Variants in PPP2R2D observed in about 807,000 individuals in gnomAD.
PPP2R2D encodes the protein serine/threonine-protein phosphatase 2A 55 kDa regulatory subunit B delta isoform.
Under a neutral mutation model 31.1 loss-of-function variants are expected in PPP2R2D, and 9 were observed. The ratio of observed to expected loss-of-function variants is 0.29; its 90% CI spans 0.17 to 0.51. The LOEUF is 0.51. Ranked by LOEUF, PPP2R2D falls within the 20% of genes least tolerant of loss-of-function variation. The pLI is 0.98. For missense variants in PPP2R2D, 391 were observed against 465.6 expected, an observed-to-expected ratio of 0.84 and a Z score of 1.48; for synonymous variants, 179 against 172.6, an observed-to-expected ratio of 1.04 and a Z score of -0.29.
At chr10:131,928,953 T>C (rs531455514) in intron 2 of PPP2R2D, among the ~76,000 whole-genome samples, 1 of 152,240 alleles carries the variant, frequency 6.6e-6, no homozygotes, top group Admixed American at 6.5e-5. Context: ...TAGTTAGAAA[T>C]GATGTACGTA....
At chr10:131,970,890 T>C in the PPP2R2D span, 2 of 1,614,258 alleles carry the variant, frequency 1.2e-6, no homozygotes, top group Admixed American at 3.3e-5. The surrounding 1 kb of genome is among the most constrained non-coding windows in gnomAD (Gnocchi z 4.1). Flanking sequence ...CCGGCCGACT[T>C]GACCAATCCC....
At chr10:131,938,029 C>A (rs1275672670) in intron 3 of PPP2R2D, among the ~76,000 whole-genome samples, 1 of 148,978 alleles carries the variant, frequency 6.7e-6, no homozygotes, top group Non-Finnish European at 1.5e-5. Flanking sequence ...GCACTCAGCT[C>A]CTGCCCGTGG....
At chr10:131,931,283 G>C (rs1407351594) in intron 2 of PPP2R2D, among the ~76,000 whole-genome samples, 1 of 152,230 alleles carries the variant, frequency 6.6e-6, no homozygotes, top group Non-Finnish European at 1.5e-5. Flanking sequence ...GTAGTCAGCA[G>C]ATCTCCAGAA....
At chr10:131,966,886 T>G in the PPP2R2D span, 5 of 151,228 alleles carry the variant, frequency 3.3e-5, no homozygotes, top group African/African-American at 7.3e-5. Context: ...TGGTTGTTTT[T>G]TTTTTTTTTT....
intron 8 of PPP2R2D, 88 bp from the exon 9 acceptor site, chr10:131,955,596 T>A (rs2036777591): frequency 8.3e-7 from 1 of 1,204,744 alleles, no homozygotes; most frequent in Non-Finnish European, 1.1e-6. Flanking sequence ...GAGGGTGGCG[T>A]GCGCTGTGCA....
chr10:131,910,057 G>A (rs1033201012), intron 2 of PPP2R2D, among the ~76,000 whole-genome samples: 8 of 152,290 alleles, frequency 5.3e-5, no homozygotes, highest in Non-Finnish European at 8.8e-5. Flanking sequence ...AAAATGTGGC[G>A]TCACACTTCC....
chr10:131,903,973 G>A (rs2035542180), intron 2 of PPP2R2D, among the ~76,000 whole-genome samples: 1 of 152,190 alleles, frequency 6.6e-6, no homozygotes, highest in African/African-American at 2.4e-5. Flanking sequence ...GGAGGCTGAG[G>A]CGGGTGGATC....
chr10:131,907,385 G>C (rs2035609860), intron 2 of PPP2R2D, among the ~76,000 whole-genome samples: 3 of 152,196 alleles, frequency 2.0e-5, no homozygotes, highest in Admixed American at 6.5e-5. Flanking sequence ...ATATTTTGCA[G>C]TTTGACTTAT....
chr10:131,901,305 G>A lies in PPP2R2D; in HGVS notation c.75G>A (p.Gly25=), dbSNP rs1272990242. Residue 25 remains glycine (G), a synonymous_variant, in exon 2 of 9, where the codon GGG becomes GGA. Transcript: ENST00000455566. ...AGTGGTGCTTCTCGCAGGTCAAGGGGGCCATCGACGAGGACGTGGCCGAAG... is the reference window on the plus strand; with the variant it reads ...AGTGGTGCTTCTCGCAGGTCAAGGGAGCCATCGACGAGGACGTGGCCGAAG... The part of the protein sequence containing the change: ...DFQWCFSQVK[G]AIDEDVAEAD... The A allele has an allele frequency of 4.1e-3, 1,474 of 360,432 alleles. 6 individuals are homozygous for A. Among genetic ancestry groups the A allele is most frequent in the Middle Eastern group, 0.014 (19 of 1,366 alleles). 22.3% of individuals were successfully genotyped at this position (360,432 alleles called of 1,614,324 possible). A position where few individuals can be genotyped will look rare whatever the true frequency, so the allele number is the denominator to read the frequency against.
intron 2 of PPP2R2D, among the ~76,000 whole-genome samples, chr10:131,930,256 A>G (rs114714432): frequency 2.3e-3 from 352 of 152,066 alleles, no homozygotes; most frequent in African/African-American, 7.8e-3. Context: ...CAACAGGTCT[A>G]TCAAATACCA....
intron 2 of PPP2R2D, among the ~76,000 whole-genome samples, chr10:131,933,515 A>G (rs2036279818): frequency 6.6e-6 from 1 of 152,144 alleles, no homozygotes; most frequent in African/African-American, 2.4e-5. Flanking sequence ...ACTGCAGGGT[A>G]AGGCGAGGAG....
At position 131,956,313 on chromosome 10, in the gene PPP2R2D, G is replaced by GCTCTTTCTCCAACTTTCC. The variant is rs1214383998; in HGVS notation, c.*360_*377dup. On this transcript the variant is annotated 3_prime_UTR_variant, in exon 9 of 9. Coordinates refer to ENST00000455566, the MANE Select transcript of PPP2R2D (RefSeq NM_018461.5). ...AAGAGAAAAGTTATTGTCAGATACC[G>GCTCTTTCTCCAACTTTCC]CTCTTTCTCCAACTTTCCCTCTTTC... 1.0e-6 allele frequency: 1 copy of GCTCTTTCTCCAACTTTCC among 1,003,482 alleles called. No homozygotes were observed. The highest frequency in any genetic ancestry group is 1.7e-5 in the African/African-American group (1 of 57,972). The allele number at this position is 1,003,482 out of a possible 1,614,324, so 62.2% of individuals were successfully genotyped here.
the PPP2R2D span, chr10:131,970,556 A>G: frequency 2.6e-6 from 4 of 1,517,064 alleles, no homozygotes; most frequent in Non-Finnish European, 3.6e-6. This position sits in a 1 kb window ranked among gnomAD's most constrained non-coding sequence, Gnocchi z 4.1. Context: ...GGACTTCAGG[A>G]AACAGGTTAC....
chr10:131,938,758 G>T (rs948340358), intron 3 of PPP2R2D, among the ~76,000 whole-genome samples: 1 of 152,198 alleles, frequency 6.6e-6, no homozygotes, highest in Non-Finnish European at 1.5e-5. Context: ...GCGGCTTCGT[G>T]GTGGTCCCTG....
At position 131,956,215 on chromosome 10, in the gene PPP2R2D, A is replaced by G. The variant is rs1208298386; in HGVS notation, c.*252A>G. ...TGACGGACACTGCTCCCAAAAGGTCATTACTCAGAATAAATGTATTTATTT... is the reference window on the plus strand; with the variant it reads ...TGACGGACACTGCTCCCAAAAGGTCGTTACTCAGAATAAATGTATTTATTT... On this transcript the variant is annotated 3_prime_UTR_variant, in exon 9 of 9. Coordinates refer to ENST00000455566, the MANE Select transcript of PPP2R2D (RefSeq NM_018461.5). 8.4e-7 allele frequency: 1 copy of G among 1,189,380 alleles called. No individual in the cohort carries two copies. The highest frequency in any genetic ancestry group is 1.0e-6 in the Non-Finnish European group (1 of 961,476). The allele number at this position is 1,189,380 out of a possible 1,614,324, so 73.7% of individuals were successfully genotyped here.
chr10:131,943,994 T>C lies in PPP2R2D; in HGVS notation c.504T>C (p.Leu168=). 9.3e-7 allele frequency: 1 copy of C among 1,079,774 alleles called. No homozygotes were observed. Among genetic ancestry groups the C allele is most frequent in the Non-Finnish European group, 1.4e-6 (1 of 692,428 alleles). The allele number at this position is 1,079,774 out of a possible 1,614,324, so 66.9% of individuals were successfully genotyped here. The change falls in exon 6 of 9, where the codon CTT becomes CTC. Residue 168 remains leucine (L), a synonymous_variant. Transcript: ENST00000455566. ...TCCCAATATTGAAGCCCATGGATCTTATGGTAGAAGCGAGTCCACGGCGAA... is the reference window on the plus strand; with the variant it reads ...TCCCAATATTGAAGCCCATGGATCTCATGGTAGAAGCGAGTCCACGGCGAA... The part of the protein sequence containing the change: ...LRVPILKPMD[L]MVEASPRRIF...
chr10:131,903,913 G>A (rs2035541541), intron 2 of PPP2R2D, among the ~76,000 whole-genome samples: 1 of 152,168 alleles, frequency 6.6e-6, no homozygotes. Context: ...TGAGAGATAA[G>A]AGATGGGTGG....
At chr10:131,908,967 C>G (rs2035641397) in intron 2 of PPP2R2D, among the ~76,000 whole-genome samples, 1 of 152,236 alleles carries the variant, frequency 6.6e-6, no homozygotes, top group South Asian at 2.1e-4. Flanking sequence ...TCAGGAAACG[C>G]TGTTTGGACA....
the PPP2R2D span, chr10:131,966,878 GT>G: frequency 3.7e-5 from 4 of 107,154 alleles, no homozygotes; most frequent in African/African-American, 1.2e-4. Flanking sequence ...CCTCCAACTG[GT>G]TGTTTTTTTT....
Sources: allele counts gnomAD v4.1 joint callset (sites outside exome capture counted in the v4.1 genomes callset), GRCh38; gene constraint gnomAD v4.1.1; non-coding constraint Gnocchi (gnomAD v3.1); transcripts MANE v1.5; gene names NCBI Gene and HGNC (gene_info 2026-07-23, HGNC 2026-07-21).